Variants in MAGIX observed in about 807,000 individuals in gnomAD.
The protein encoded by MAGIX is MAGI family member, X-linked, also known as PDZ domain-containing protein MAGIX.
In MAGIX, 13 loss-of-function variants were observed where a neutral mutation model predicts 10.0. That is an observed-to-expected ratio of 1.30 (90% confidence interval 0.84 to 2.06). The LOEUF is 2.06. Among genes scored for constraint, MAGIX ranks in the 30% most tolerant of loss-of-function variants. The pLI is 0.00. For synonymous variants in MAGIX, 108 were observed against 106.8 expected (o/e 1.01, Z -0.07); for missense variants, 235 against 245.2 (o/e 0.96, Z 0.28).
At chrX:49,163,136 A>C (rs1428255352) in intron 1 of MAGIX, 198 bp downstream of exon 1, 1 of 282,774 alleles carries the variant, frequency 3.5e-6, no homozygotes, top group Admixed American at 6.5e-5. Context: ...CACGAGGGAA[A>C]GGGCCGCGCA....
chrX:49,162,828 C>T (rs2065337810), intron 1 of MAGIX: 7 of 686,899 alleles, frequency 1.0e-5, no homozygotes, highest in Non-Finnish European at 1.4e-5. Flanking sequence ...GCCAGGTGAG[C>T]GCGCCCCAGA....
At chrX:49,165,992 G>A (rs972649715) in intron 4 of MAGIX, 82 bp from the exon 6 acceptor site, 10 of 980,639 alleles carry the variant, frequency 1.0e-5, no homozygotes, top group Admixed American at 2.5e-5. Context: ...CTCATCTCCC[G>A]CAGCCTTTGG....
At chrX:49,163,929 G>T in exon 2 of MAGIX, 3 of 1,016,104 alleles carry the variant, frequency 3.0e-6, no homozygotes, top group Non-Finnish European at 3.8e-6. Flanking sequence ...CCGGAAGGAG[G>T]GTGAGTGACT....
chrX:49,166,385 A>G, exon 5 of MAGIX: 1 of 1,138,516 alleles, frequency 8.8e-7, no homozygotes, highest in African/African-American at 1.8e-5. Context: ...GGCAGCCGGA[A>G]GGCGGAGACA....
Position 49,166,665 on chromosome X carries a change from G to C in MAGIX, c.*266G>C, listed in dbSNP as rs2065370434. On this transcript the variant is annotated 3_prime_UTR_variant, in exon 5 of 5. Coordinates refer to ENST00000616266, the Ensembl canonical transcript of MAGIX. ...TTGCCAGGCGCTCGAGGCGGGGTGG[G>C]GCTGCCCGGGCCACTCTGTAAAGGA... 8.9e-6 allele frequency: 3 copies of C among 336,384 alleles called. No homozygotes were observed. The Admixed American group carries it at 1.6e-4, about 18-fold the overall frequency. The allele number at this position is 336,384 out of a possible 1,213,427, so 27.7% of individuals were successfully genotyped here. A position where few individuals can be genotyped will look rare whatever the true frequency, so the allele number is the denominator to read the frequency against.
At chrX:49,166,296 G>T in exon 5 of MAGIX, 6 of 1,183,276 alleles carry the variant, frequency 5.1e-6, no homozygotes, top group Non-Finnish European at 6.8e-6. Context: ...GGTTCCCCGG[G>T]GCCCTGGCTA....
At position 49,165,074 on chromosome X, in the gene MAGIX, G is replaced by A. The variant is rs192306246; in HGVS notation, c.314G>A (p.Arg105His). The change falls in exon 3 of 5, where the codon CGC (arginine) becomes CAC (histidine). Residue 105 changes from arginine to histidine, a missense_variant. Physicochemically the swap from Arg to His is conservative, Grantham distance 29 (BLOSUM62 0). Coordinates refer to ENST00000616266, the Ensembl canonical transcript of MAGIX. Reference sequence around the variant, plus strand: ...CTGCTGAAGGATGGCCCAGCACAGCGCTGTGGTCGTTTGGAGGTGAGCCCT... The same window carrying A: ...CTGCTGAAGGATGGCCCAGCACAGCACTGTGGTCGTTTGGAGGTGAGCCCT... The A allele has an allele frequency of 1.5e-5, 18 of 1,204,131 alleles. No individual in the cohort carries two copies. The East Asian group carries it at 4.5e-4, about 30-fold the overall frequency.
At chrX:49,164,071 G>A (rs1416350590) in intron 2 of MAGIX, 142 bp downstream of exon 2, 2 of 523,538 alleles carry the variant, frequency 3.8e-6, no homozygotes, top group Non-Finnish European at 5.5e-6. Flanking sequence ...ATCGGAGGGT[G>A]CTTCGAGTGG....
At chrX:49,168,304 A>G (rs1017060633) in exon 5 of MAGIX, 1 of 108,512 alleles carries the variant, frequency 9.2e-6, no homozygotes, top group Admixed American at 9.9e-5. Flanking sequence ...CCCCGTCTCT[A>G]CTGAAAATAC....
intron 4 of MAGIX, chrX:49,165,702 C>CG (rs1305692459): frequency 1.3e-5 from 4 of 301,399 alleles, no homozygotes; most frequent in Admixed American, 5.8e-5. Context: ...GGATCTTAGC[C>CG]GGGGGAAAAT....
At chrX:49,167,215 C>G (rs1200432021) in exon 5 of MAGIX, 1 of 114,150 alleles carries the variant, frequency 8.8e-6, no homozygotes, top group Non-Finnish European at 1.9e-5. Context: ...GGCCGTGCCC[C>G]CATTTTCCGT....
At chrX:49,166,019 T>C in intron 4 of MAGIX, 55 bp from the exon 6 acceptor site, 2 of 1,135,356 alleles carry the variant, frequency 1.8e-6, no homozygotes, top group East Asian at 6.0e-5. Flanking sequence ...CTGTCCATCC[T>C]CAGCCAAAGG....
At chrX:49,165,328 C>T in exon 4 of MAGIX, 1 of 1,178,235 alleles carries the variant, frequency 8.5e-7, no homozygotes, top group Non-Finnish European at 1.1e-6. Context: ...CCCTGGCAAG[C>T]CTCGAGGGGT....
At chrX:49,164,343 G>C (rs2065351318) in intron 2 of MAGIX, 1 of 325,019 alleles carries the variant, frequency 3.1e-6, no homozygotes, top group African/African-American at 2.6e-5. Flanking sequence ...TAATTAGAGG[G>C]CGTGCTATGG....
At chrX:49,164,441 G>A (rs2065351967) in intron 2 of MAGIX, 6 of 437,396 alleles carry the variant, frequency 1.4e-5, no homozygotes, top group East Asian at 1.1e-4. Flanking sequence ...TGTTATTAGA[G>A]GGAGATAGGA....
At chrX:49,166,675 G>A (rs1388437071) in exon 5 of MAGIX, 3 of 324,230 alleles carry the variant, frequency 9.3e-6, no homozygotes, top group Non-Finnish European at 1.6e-5. Flanking sequence ...GGCTGCCCGG[G>A]CCACTCTGTA....
Position 49,165,539 on chromosome X carries a change from A to G in MAGIX, c.502+178A>G, listed in dbSNP as rs782082892. On this transcript the variant is annotated intron_variant, in intron 4 of 4. Transcript: ENST00000616266. The stretch of plus-strand genomic sequence containing the variant: ...GAGGGGTACAGGGTCCCAGGATAGG[A>G]ATAACGTAGGGGCAGGGAGGGGTGT... 1.6e-5 allele frequency: 7 copies of G among 431,554 alleles called. No individual in the cohort carries two copies. The East Asian group carries it at 2.8e-4, about 17-fold the overall frequency. The allele number at this position is 431,554 out of a possible 1,213,427, so 35.6% of individuals were successfully genotyped here. A position where few individuals can be genotyped will look rare whatever the true frequency, so the allele number is the denominator to read the frequency against.
At chrX:49,162,666 A>G (rs1257972709) in exon 1 of MAGIX, 3 of 294,882 alleles carry the variant, frequency 1.0e-5, no homozygotes, top group Admixed American at 6.1e-5. Flanking sequence ...CCTTTAGTTA[A>G]CAGAGTGCGG....
intron 2 of MAGIX, 72 bp downstream of exon 2, chrX:49,164,001 G>A (rs1331062859): frequency 2.1e-6 from 2 of 946,558 alleles, no homozygotes; most frequent in African/African-American, 4.2e-5. Context: ...GACAGGCCTG[G>A]GGGGTCAGCA....
Sources: gnomAD v4.1 joint callset for allele counts on GRCh38, gnomAD v4.1.1 for gene constraint, MANE v1.5 for transcripts, NCBI Gene and HGNC (gene_info 2026-07-23, HGNC 2026-07-21) for gene names.